The following RASA2 variants were observed in gnomAD, a reference collection of about 807,000 sequenced individuals.
RASA2 encodes the protein RAS p21 protein activator 2.
RASA2 carries 155 observed loss-of-function variants against 118.2 expected under a neutral mutation model. That is an observed-to-expected ratio of 1.31 (90% CI 1.15 to 1.50). RASA2 has a LOEUF of 1.50. RASA2 is among the 40% of genes most tolerant of loss of function. The pLI is 0.00. For missense variants in RASA2, 1,016 were observed against 1,009.6 expected, an observed-to-expected ratio of 1.01 and a Z score of -0.09; for synonymous variants, 353 against 349.1, an observed-to-expected ratio of 1.01 and a Z score of -0.12.
intron 3 of RASA2, 140 bp from the exon 4 acceptor site, chr3:141,529,567 CT>C (rs2082229714): frequency 4.1e-6 from 2 of 491,668 alleles, no homozygotes; most frequent in East Asian, 6.7e-5. Context: ...AGAAAAAATG[CT>C]TTATAAAAAT....
chr3:141,496,003 A>G (rs1559988043), intron 1 of RASA2, among the ~76,000 whole-genome samples: 1 of 152,230 alleles, frequency 6.6e-6, no homozygotes, highest in Non-Finnish European at 1.5e-5. Context: ...ACTTTTCTGC[A>G]TGTAGATGGA....
intron 2 of RASA2, 85 bp downstream of exon 2, chr3:141,512,365 A>T (rs531917436): frequency 1.0e-6 from 1 of 962,780 alleles, no homozygotes; most frequent in African/African-American, 1.8e-5. Context: ...ATAATCAAGA[A>T]GACAAGACAG....
Position 141,586,715 on chromosome 3 carries a change from C to CT in RASA2, c.1898dup (p.Leu633PhefsTer57). Reference sequence around the variant, plus strand: ...AGAATTTTAAGAAACGATGGTTCTGCTTAACAAGCAGAGAGCTCACCTACC... The same window carrying CT: ...AGAATTTTAAGAAACGATGGTTCTGCTTTAACAAGCAGAGAGCTCACCTACC... On this transcript the variant is annotated frameshift_variant, in exon 19 of 24. Coordinates refer to ENST00000286364, the MANE Select transcript of RASA2 (RefSeq NM_006506.5). LOFTEE classifies it high-confidence loss of function. The CT allele has an allele frequency of 6.2e-7, 1 of 1,613,580 alleles. No homozygotes were observed. The highest frequency in any genetic ancestry group is 8.5e-7 in the Non-Finnish European group (1 of 1,179,664).
At chr3:141,537,913 A>T (rs2082350889) in intron 4 of RASA2, among the ~76,000 whole-genome samples, 2 of 152,214 alleles carry the variant, frequency 1.3e-5, no homozygotes, top group Admixed American at 1.3e-4. Flanking sequence ...AATAAAATAT[A>T]AAATATATTG....
At chr3:141,586,222 G>A (rs374023487) in intron 18 of RASA2, 124 bp downstream of exon 18, 2 of 836,118 alleles carry the variant, frequency 2.4e-6, no homozygotes, top group Non-Finnish European at 1.8e-6. Context: ...GCCAAAATTA[G>A]CAGTCAGGTA....
chr3:141,594,235 G>A (rs1265581188), intron 19 of RASA2, among the ~76,000 whole-genome samples: 3 of 151,968 alleles, frequency 2.0e-5, no homozygotes, highest in Admixed American at 2.0e-4. Flanking sequence ...AACCAATCTA[G>A]AACACAGAAA....
intron 19 of RASA2, among the ~76,000 whole-genome samples, chr3:141,595,505 A>C (rs2083351788): frequency 6.6e-6 from 1 of 152,260 alleles, no homozygotes; most frequent in Non-Finnish European, 1.5e-5. Flanking sequence ...TTATAATGGC[A>C]GAAGGAGCAC....
chr3:141,572,816 C>A, intron 12 of RASA2, 93 bp downstream of exon 12: 2 of 1,004,394 alleles, frequency 2.0e-6, no homozygotes, highest in Non-Finnish European at 2.9e-6. Context: ...TTTATTCATT[C>A]ATGTGTTACT....
At chr3:141,515,691 A>G (rs1424612131) in intron 2 of RASA2, among the ~76,000 whole-genome samples, 2 of 151,694 alleles carry the variant, frequency 1.3e-5, no homozygotes, top group Non-Finnish European at 2.9e-5. Context: ...TGCAAGGTCA[A>G]GAGATTGAGA....
chr3:141,553,800 T>G, intron 5 of RASA2, 57 bp from the exon 6 acceptor site: 1 of 1,567,152 alleles, frequency 6.4e-7, no homozygotes, highest in Non-Finnish European at 8.6e-7. Flanking sequence ...TTAAAGATAA[T>G]GTTTTATCTT....
chr3:141,601,750 G>A (rs1442157941), intron 19 of RASA2, among the ~76,000 whole-genome samples: 1 of 151,948 alleles, frequency 6.6e-6, no homozygotes, highest in African/African-American at 2.4e-5. Context: ...CCAAATTTGG[G>A]ACTTTTTTGA....
intron 7 of RASA2, among the ~76,000 whole-genome samples, chr3:141,557,441 A>T (rs2151117048): frequency 6.6e-6 from 1 of 152,344 alleles, no homozygotes; most frequent in East Asian, 1.9e-4. Context: ...GCACAGAGAC[A>T]GAAAAGCAGA....
intron 4 of RASA2, among the ~76,000 whole-genome samples, chr3:141,538,132 A>AC (rs1560017054): frequency 1.4e-5 from 2 of 140,118 alleles, no homozygotes; most frequent in Non-Finnish European, 3.1e-5. Flanking sequence ...CACACACACA[A>AC]ACTTGTTTTG....
chr3:141,498,871 C>T (rs1010367403), intron 1 of RASA2, among the ~76,000 whole-genome samples: 1 of 152,042 alleles, frequency 6.6e-6, no homozygotes, highest in Non-Finnish European at 1.5e-5. Flanking sequence ...TTGGCTTAGC[C>T]CAGAAGAGAT....
chr3:141,522,433 G>A (rs1032266848), intron 3 of RASA2, among the ~76,000 whole-genome samples: 5 of 152,180 alleles, frequency 3.3e-5, no homozygotes, highest in East Asian at 1.9e-4. Flanking sequence ...GGCCCACATC[G>A]GCTCCTGAAA....
rs776633213 is a variant in RASA2, at chr3:141,577,028, G to A, written c.1512G>A (p.Val504=). 1 of 1,610,796 alleles carries A rather than the reference G, an allele frequency of 6.2e-7. No homozygotes were observed. Among genetic ancestry groups the A allele is most frequent in the African/African-American group, 1.3e-5 (1 of 74,726 alleles). The change falls in exon 15 of 24, where the codon GTG becomes GTA. Residue 504 remains valine (V), a synonymous_variant. Transcript: ENST00000286364. ...PNDPHVQYSA[V]SSFVFLRFFA... is the part of the protein sequence containing the mutation. The stretch of plus-strand genomic sequence containing the variant: ...ACCCTCATGTTCAGTATTCTGCAGT[G>A]AGCAGCTTTGTATTTCTTCGTTTCT...
chr3:141,596,903 C>T (rs2083382070), intron 19 of RASA2, among the ~76,000 whole-genome samples: 1 of 152,134 alleles, frequency 6.6e-6, no homozygotes, highest in African/African-American at 2.4e-5. Flanking sequence ...GAAAGTTAAA[C>T]ATAAAACTAC....
At chr3:141,578,473 A>G (rs2083048217) in intron 15 of RASA2, 1 of 152,076 alleles carries the variant, frequency 6.6e-6, no homozygotes. Flanking sequence ...GAGTTAAACC[A>G]GGTTCTGAAT....
chr3:141,487,179 C>G lies in RASA2; in HGVS notation c.96C>G (p.Arg32=). 2 of 1,464,328 alleles carry G rather than the reference C, an allele frequency of 1.4e-6. No homozygotes were observed. The highest frequency in any genetic ancestry group is 1.8e-6 in the Non-Finnish European group (2 of 1,098,702). 90.7% of individuals were successfully genotyped at this position (1,464,328 alleles called of 1,614,324 possible). A position where few individuals can be genotyped will look rare whatever the true frequency, so the allele number is the denominator to read the frequency against. ...AEPEAGDQDS[R]EVRVLQSLRG... The stretch of plus-strand genomic sequence containing the variant: ...CCGAGGCCGGGGACCAGGACAGTCG[C>G]GAGGTTCGAGTGTTGCAGAGCCTGC... Residue 32 remains arginine, a synonymous_variant, in exon 1 of 24, where the codon CGC becomes CGG. Coordinates refer to ENST00000286364, the MANE Select transcript of RASA2 (RefSeq NM_006506.5).
Sources: allele counts gnomAD v4.1 joint callset (sites outside exome capture counted in the v4.1 genomes callset), GRCh38; gene constraint gnomAD v4.1.1; transcripts MANE v1.5; gene names NCBI Gene and HGNC (gene_info 2026-07-23, HGNC 2026-07-21).